Variants in NPSR1 observed in about 807,000 individuals in gnomAD.
The protein encoded by NPSR1 is neuropeptide S receptor 1, also known as neuropeptide S receptor.
In NPSR1, 48 loss-of-function variants were observed where a neutral mutation model predicts 46.9. The ratio of observed to expected loss-of-function variants is 1.02; its 90% CI spans 0.81 to 1.30. The LOEUF (loss-of-function observed/expected upper bound fraction) is 1.30, where lower values mean the gene tolerates loss of function less well. Among genes scored for constraint, NPSR1 ranks in the 50% most tolerant of loss-of-function variants. NPSR1 has a pLI of 0.00. For missense variants in NPSR1, 450 were observed against 449.5 expected (o/e 1.00, Z -0.01); for synonymous variants, 176 against 168.1 (o/e 1.05, Z -0.36).
chr7:34,707,903 G>A (rs1794189150), intron 2 of NPSR1, among the ~76,000 whole-genome samples: 1 of 152,148 alleles, frequency 6.6e-6, no homozygotes. Context: ...CAAAGTGTTG[G>A]CTAATTTTAT....
At chr7:34,705,255 C>T (rs1043821171) in intron 2 of NPSR1, among the ~76,000 whole-genome samples, 24 of 151,664 alleles carry the variant, frequency 1.6e-4, no homozygotes, top group African/African-American at 5.6e-4. Context: ...GGTGAAACCC[C>T]GTCTCTATTA....
downstream of NPSR1, among the ~76,000 whole-genome samples, chr7:34,850,159 T>A (rs1584142572): frequency 1.3e-5 from 2 of 152,256 alleles, no homozygotes; most frequent in African/African-American, 4.8e-5. Context: ...CAGGCATTGG[T>A]GCTTTGCACC....
At chr7:34,814,444 G>A (rs200491974) in intron 4 of NPSR1, among the ~76,000 whole-genome samples, 1 of 152,226 alleles carries the variant, frequency 6.6e-6, no homozygotes, top group Admixed American at 6.5e-5. Context: ...GCCTCTATAG[G>A]CTCCACCTCT....
intron 7 of NPSR1, among the ~76,000 whole-genome samples, chr7:34,845,891 C>A (rs10267935): frequency 0.18 from 27,396 of 152,050 alleles, 2,762 homozygotes; most frequent in Non-Finnish European, 0.24. Flanking sequence ...AGCTTAAATA[C>A]CCCCTCCTTG....
intron 1 of NPSR1, among the ~76,000 whole-genome samples, chr7:34,683,615 T>G (rs563381153): frequency 7.2e-5 from 11 of 152,136 alleles, no homozygotes; most frequent in African/African-American, 2.4e-4. Flanking sequence ...AGTGCCAGGG[T>G]CTGGGAAGGT....
intron 6 of NPSR1, among the ~76,000 whole-genome samples, chr7:34,835,774 G>A (rs191421347): frequency 9.8e-5 from 15 of 152,296 alleles, no homozygotes; most frequent in Admixed American, 3.3e-4. Flanking sequence ...GAATAGCATG[G>A]TTCCTGACTA....
chr7:34,702,574 T>C (rs576457175), intron 2 of NPSR1, among the ~76,000 whole-genome samples: 2 of 152,330 alleles, frequency 1.3e-5, no homozygotes, highest in South Asian at 2.1e-4. Context: ...TCTCTTCTAA[T>C]GACTTATTAT....
chr7:34,848,560 C>T lies in NPSR1; in HGVS notation c.922C>T (p.Arg308Cys), dbSNP rs753232882. ...NFNLLPDTQERFYASVIIQNL... is the reference protein window; with the variant it reads ...NFNLLPDTQECFYASVIIQNL... ...CAACCTCCTTCCAGACACCCAGGAG[C>T]GTTTCTATGCCTCTGTGATCATTCA... The change falls in exon 8 of 9, where the codon CGT becomes TGT. Residue 308 changes from arginine (R) to cysteine (C), a missense_variant. Coordinates refer to ENST00000360581, the MANE Select transcript of NPSR1 (RefSeq NM_207172.2). 1.2e-5 allele frequency: 19 copies of T among 1,614,012 alleles called. No homozygotes were observed. In the Middle Eastern group the frequency reaches 4.9e-4, roughly 42 times the overall value.
intron 3 of NPSR1, among the ~76,000 whole-genome samples, chr7:34,805,155 G>A (rs60169355): frequency 0.27 from 40,361 of 151,592 alleles, 5,408 homozygotes; most frequent in Middle Eastern, 0.3. Flanking sequence ...AAGTCCCAAC[G>A]AGATATTTTA....
intron 5 of NPSR1, among the ~76,000 whole-genome samples, chr7:34,833,561 A>G (rs202095813): frequency 2.6e-4 from 40 of 152,392 alleles, no homozygotes; most frequent in East Asian, 1.3e-3. Context: ...TAGAACCTCA[A>G]CTGAGGCTCA....
intron 4 of NPSR1, among the ~76,000 whole-genome samples, chr7:34,817,664 C>A (rs1442078024): frequency 1.4e-5 from 2 of 148,048 alleles, no homozygotes; most frequent in Non-Finnish European, 1.5e-5. Flanking sequence ...ATGTGAAAAT[C>A]CTCAATAAAG....
At position 34,658,439 on chromosome 7, in the gene NPSR1, C is replaced by G; in HGVS notation, c.27C>G (p.Ser9Arg). The G allele has an allele frequency of 6.2e-7, 1 of 1,614,138 alleles. No individual in the cohort carries two copies. The highest frequency in any genetic ancestry group is 1.7e-4 in the Middle Eastern group (1 of 6,044). The change falls in exon 1 of 9, where the codon AGC becomes AGG. Residue 9 changes from serine to arginine, a missense_variant. Ser to Arg is a moderately radical substitution (Grantham distance 110). Transcript: ENST00000360581. Reference sequence around the variant, plus strand: ...TGCCAGCCAACTTCACAGAGGGCAGCTTCGATTCCAGTGGGACCGGGCAGA... The same window carrying G: ...TGCCAGCCAACTTCACAGAGGGCAGGTTCGATTCCAGTGGGACCGGGCAGA... MPANFTEG[S>R]FDSSGTGQTL...
Position 34,681,463 on chromosome 7 carries a change from T to C in NPSR1, c.148-3089T>C, listed in dbSNP as rs114004239. Among the ~76,000 whole-genome samples, 112 of 152,226 alleles carry C rather than the reference T, an allele frequency of 7.4e-4. 3 individuals are homozygous for C. In the East Asian group the frequency reaches 0.016, roughly 22 times the overall value. ...CAACATCAGGCAACTACAAGGTAAG[T>C]AGAGGTATGCAGGGCCTTGTGGATT... On this transcript the variant is annotated intron_variant, in intron 1 of 8. Coordinates refer to ENST00000360581, the MANE Select transcript of NPSR1 (RefSeq NM_207172.2).
At chr7:34,834,230 G>T in intron 5 of NPSR1, 154 bp from the exon 6 acceptor site, 1 of 628,308 alleles carries the variant, frequency 1.6e-6, no homozygotes, top group Non-Finnish European at 2.9e-6. Flanking sequence ...ACTTTCAGTT[G>T]CAATTCTATG....
intron 2 of NPSR1, among the ~76,000 whole-genome samples, chr7:34,742,358 CCTT>C (rs1162491219): frequency 6.6e-6 from 1 of 152,170 alleles, no homozygotes; most frequent in Non-Finnish European, 1.5e-5. Flanking sequence ...TCTTGTGTCT[CCTT>C]CTTTGTGTTC....
intron 3 of NPSR1, among the ~76,000 whole-genome samples, chr7:34,787,275 T>C (rs1334512660): frequency 1.3e-5 from 2 of 152,178 alleles, no homozygotes; most frequent in African/African-American, 4.8e-5. Context: ...AAACAAACTA[T>C]GCTAGCTTCA....
intron 2 of NPSR1, among the ~76,000 whole-genome samples, chr7:34,744,768 A>G (rs1321240049): frequency 1.3e-5 from 2 of 152,188 alleles, no homozygotes; most frequent in Non-Finnish European, 2.9e-5. Flanking sequence ...TGACAAGGGT[A>G]TGTATTATTT....
intron 8 of NPSR1, among the ~76,000 whole-genome samples, chr7:34,875,577 C>T (rs548289956): frequency 1.1e-3 from 173 of 152,236 alleles, no homozygotes; most frequent in African/African-American, 4.1e-3. Context: ...TGTGAGGCAA[C>T]GAATCAAGCG....
intron 4 of NPSR1, among the ~76,000 whole-genome samples, chr7:34,824,084 G>A (rs34764251): frequency 7.5e-4 from 114 of 152,274 alleles, no homozygotes; most frequent in Middle Eastern, 3.4e-3. Context: ...TAGGTTACAA[G>A]GTAGGATCTG....
Sources: gnomAD v4.1 joint callset for allele counts (sites outside exome capture counted in the v4.1 genomes callset) on GRCh38, gnomAD v4.1.1 for gene constraint, MANE v1.5 for transcripts, NCBI Gene and HGNC (gene_info 2026-07-23, HGNC 2026-07-21) for gene names.